ELF2: variants seen among roughly 807,000 people sequenced by gnomAD.
The protein encoded by ELF2 is ETS-related transcription factor Elf-2.
In ELF2, 11 loss-of-function variants were observed where a neutral mutation model predicts 54.8. The ratio of observed to expected loss-of-function variants is 0.20; its 90% CI spans 0.13 to 0.33. The LOEUF (loss-of-function observed/expected upper bound fraction) is 0.33, where lower values mean the gene tolerates loss of function less well. Ranked by LOEUF, ELF2 falls within the 10% of genes least tolerant of loss-of-function variation. The pLI is 1.00. For synonymous variants in ELF2, 203 were observed against 245.1 expected (o/e 0.83, Z 1.61); for missense variants, 513 against 703.0 (o/e 0.73, Z 3.06).
intron 1 of ELF2, among the ~76,000 whole-genome samples, chr4:139,171,752 G>A (rs74939064): frequency 0.17 from 25,506 of 151,982 alleles, 2,712 homozygotes; most frequent in Middle Eastern, 0.3. Flanking sequence ...GTGAAACCCC[G>A]TCTCCACTAA....
rs1729824566 is a variant in ELF2, at chr4:139,073,512, A to G, written c.294T>C (p.Ala98=). The G allele has an allele frequency of 6.2e-7, 1 of 1,610,084 alleles. No homozygotes were observed. The highest frequency in any genetic ancestry group is 8.5e-7 in the Non-Finnish European group (1 of 1,177,344). ...NAHCTDKTIE[A]AEALLHMESP... is the part of the protein sequence containing the mutation. ...ATTCCATATGAAGCAGGGCTTCAGCAGCTTCAATTGTCTTATCTGTACAGT... is the reference window on the plus strand; with the variant it reads ...ATTCCATATGAAGCAGGGCTTCAGCGGCTTCAATTGTCTTATCTGTACAGT... Residue 98 remains alanine, a synonymous_variant, in exon 5 of 10, where the codon GCT becomes GCC. Transcript: ENST00000686138.
chr4:139,128,310 C>T (rs761422382), intron 3 of ELF2, among the ~76,000 whole-genome samples: 1 of 151,882 alleles, frequency 6.6e-6, no homozygotes, highest in African/African-American at 2.4e-5. Flanking sequence ...ACTCTCATTT[C>T]TTTTAACTGA....
intron 1 of ELF2, among the ~76,000 whole-genome samples, chr4:139,161,165 G>T (rs551097803): frequency 6.6e-6 from 1 of 152,198 alleles, no homozygotes; most frequent in South Asian, 2.1e-4. Context: ...TTAGATAAGT[G>T]AGTGCTTACA....
chr4:139,131,307 G>GT (rs1404369452), intron 3 of ELF2, among the ~76,000 whole-genome samples: 3 of 152,178 alleles, frequency 2.0e-5, no homozygotes, highest in Admixed American at 2.0e-4. Flanking sequence ...CAACCCTACT[G>GT]TAAGTATTAA....
intron 4 of ELF2, among the ~76,000 whole-genome samples, chr4:139,104,018 A>G (rs1178735843): frequency 1.3e-5 from 2 of 152,226 alleles, no homozygotes; most frequent in Admixed American, 1.3e-4. Context: ...AGTAGTGTAT[A>G]TATTTTGGCA....
chr4:139,123,617 T>A (rs193265206), intron 4 of ELF2, among the ~76,000 whole-genome samples: 1 of 152,342 alleles, frequency 6.6e-6, no homozygotes, highest in East Asian at 1.9e-4. Flanking sequence ...CATCCTAATT[T>A]ACTAACTTAT....
chr4:139,091,225 C>T (rs1249682461), intron 4 of ELF2, among the ~76,000 whole-genome samples: 1 of 152,156 alleles, frequency 6.6e-6, no homozygotes, highest in Non-Finnish European at 1.5e-5. Flanking sequence ...CCACCTCACC[C>T]GACCTTCTTA....
intron 7 of ELF2, 150 bp downstream of exon 7, chr4:139,067,534 G>C: frequency 2.9e-6 from 2 of 700,852 alleles, no homozygotes; most frequent in Non-Finnish European, 4.6e-6. Context: ...AGCTCCCCAC[G>C]TGATGCTGAT....
chr4:139,070,241 G>A (rs944029604), intron 6 of ELF2, among the ~76,000 whole-genome samples: 1 of 151,664 alleles, frequency 6.6e-6, no homozygotes, highest in Non-Finnish European at 1.5e-5. Context: ...TCACATCCTG[G>A]CTCCCTACAT....
intron 1 of ELF2, among the ~76,000 whole-genome samples, chr4:139,175,502 T>C (rs540082565): frequency 6.6e-6 from 1 of 152,254 alleles, no homozygotes; most frequent in South Asian, 2.1e-4. Flanking sequence ...AGTTTTATTA[T>C]TCCTAAATTC....
At position 139,174,216 on chromosome 4, in the gene ELF2, AAAAAAAG is replaced by A. The variant is rs796936880; in HGVS notation, c.-252+2744_-252+2750del. Among the ~76,000 whole-genome samples the A allele has an allele frequency of 4.6e-4, 70 of 150,644 alleles. 1 individual carries two copies. The South Asian group carries it at 0.012, about 25-fold the overall frequency. On this transcript the variant is annotated intron_variant, in intron 1 of 9. Transcript: ENST00000686138. ...AGCGAGACTCCATCTTAAAAAAAAA[AAAAAAAG>A]AAAGAAAGAAAATAGATTTTAAAAA...
At chr4:139,124,188 T>C (rs1275842922) in intron 4 of ELF2, among the ~76,000 whole-genome samples, 1 of 152,176 alleles carries the variant, frequency 6.6e-6, no homozygotes, top group Admixed American at 6.5e-5. Flanking sequence ...TGGCTGCCTA[T>C]TTTGATAAAT....
intron 3 of ELF2, among the ~76,000 whole-genome samples, chr4:139,135,002 T>G (rs971456839): frequency 3.9e-5 from 6 of 152,082 alleles, no homozygotes; most frequent in Admixed American, 3.9e-4. Flanking sequence ...TGGGACATCA[T>G]TTTCAGAAAT....
At chr4:139,099,361 T>C (rs1733632844) in intron 4 of ELF2, among the ~76,000 whole-genome samples, 1 of 152,190 alleles carries the variant, frequency 6.6e-6, no homozygotes, top group South Asian at 2.1e-4. Flanking sequence ...ACCTACTGGG[T>C]TCCTGGCCCT....
At chr4:139,090,275 AAGTC>A (rs1322443929) in intron 4 of ELF2, among the ~76,000 whole-genome samples, 1 of 152,214 alleles carries the variant, frequency 6.6e-6, no homozygotes, top group African/African-American at 2.4e-5. Flanking sequence ...GTGGCTATGC[AAGTC>A]CAGTGGTTTG....
upstream of ELF2, among the ~76,000 whole-genome samples, chr4:139,177,439 G>A (rs1353969381): frequency 6.6e-6 from 1 of 151,100 alleles, no homozygotes; most frequent in Non-Finnish European, 1.5e-5. Context: ...TATACCCCGC[G>A]GGGCCCCGCC....
chr4:139,137,697 G>A lies in ELF2; in HGVS notation c.5C>T (p.Thr2Ile). The A allele has an allele frequency of 6.2e-7, 1 of 1,613,966 alleles. No individual in the cohort carries two copies. Among genetic ancestry groups the A allele is most frequent in the Non-Finnish European group, 8.5e-7 (1 of 1,179,998 alleles). Residue 2 changes from threonine to isoleucine, a missense_variant, in exon 3 of 10, where the codon ACA becomes ATA. This residue lies in a region of ELF2 where 203 missense variants were observed against 245.9 expected (regional missense o/e 0.83). Transcript: ENST00000686138. ...ACCTCCACTGTCAACCACTGCTGATGTCATTGTTATTCCCTGAGGAAGCTT... is the reference window on the plus strand; with the variant it reads ...ACCTCCACTGTCAACCACTGCTGATATCATTGTTATTCCCTGAGGAAGCTT... M[T>I]SAVVDSGGTI...
At chr4:139,067,869 A>C in intron 6 of ELF2, 99 bp from the exon 7 acceptor site, 1 of 1,161,880 alleles carries the variant, frequency 8.6e-7, no homozygotes, top group Middle Eastern at 2.3e-4. Flanking sequence ...ATTTAAATGG[A>C]TACTAATTTG....
At chr4:139,095,185 AT>A (rs200556112) in intron 4 of ELF2, among the ~76,000 whole-genome samples, 4,568 of 139,910 alleles carry the variant, frequency 0.033, 146 homozygotes, top group East Asian at 0.12. Context: ...TTTGCTATAG[AT>A]TTTTTTTTTT....
Sources: gnomAD v4.1 joint callset for allele counts (sites outside exome capture counted in the v4.1 genomes callset) on GRCh38, gnomAD v4.1.1 for gene constraint, gnomAD v4.1.1 regional missense constraint, MANE v1.5 for transcripts, NCBI Gene and HGNC (gene_info 2026-07-23, HGNC 2026-07-21) for gene names.